The following ABCA10 variants were observed in gnomAD, a reference collection of about 807,000 sequenced individuals.
ABCA10 encodes the protein ATP binding cassette subfamily A member 10.
Under a neutral mutation model 187.5 loss-of-function variants are expected in ABCA10, and 169 were observed. That is an observed-to-expected ratio of 0.90 (90% CI 0.80 to 1.02). The LOEUF is 1.02. Among genes scored for constraint, ABCA10 ranks in the 50% least tolerant of loss-of-function variants. The probability of loss-of-function intolerance (pLI) is 0.00; values close to 1 mark genes in which losing one functional copy is unlikely to be tolerated. For missense variants in ABCA10, 1,727 were observed against 1,812.4 expected, an observed-to-expected ratio of 0.95 and a Z score of 0.86; for synonymous variants, 574 against 601.8, an observed-to-expected ratio of 0.95 and a Z score of 0.68.
intron 13 of ABCA10, 60 bp downstream of exon 13, chr17:69,193,754 A>G (rs764923065): frequency 1.9e-6 from 3 of 1,581,590 alleles, no homozygotes; most frequent in East Asian, 2.2e-5. Flanking sequence ...CTGAACAAAA[A>G]AAATATATAG....
rs1249250067 is a variant in ABCA10, at chr17:69,154,215, T to A, written c.3786+20A>T. 8 of 1,564,268 alleles carry A rather than the reference T, an allele frequency of 5.1e-6. No individual in the cohort carries two copies. Among genetic ancestry groups the A allele is most frequent in the Middle Eastern group, 1.7e-4 (1 of 5,774 alleles). On this transcript the variant is annotated intron_variant, in intron 31 of 38. Transcript: ENST00000690296. Reference sequence around the variant, plus strand: ...ATGTCATCAATATTTAAAATAAAATTTCCTTCACATGTCACATACCACTCC... The same window carrying A: ...ATGTCATCAATATTTAAAATAAAATATCCTTCACATGTCACATACCACTCC...
intron 22 of ABCA10, among the ~76,000 whole-genome samples, chr17:69,177,336 CAT>C (rs1375859879): frequency 6.6e-6 from 1 of 152,156 alleles, no homozygotes; most frequent in African/African-American, 2.4e-5. Context: ...ATGAAATTCA[CAT>C]GAGTTTTTCT....
intron 23 of ABCA10, 61 bp from the exon 24 acceptor site, chr17:69,174,838 G>GT (rs1053435847): frequency 1.4e-6 from 2 of 1,383,044 alleles, no homozygotes; most frequent in African/African-American, 2.9e-5. Flanking sequence ...TTGTGGTTAT[G>GT]TAAAAAAAAT....
chr17:69,150,306 T>C (rs1034687407), intron 36 of ABCA10: 1 of 383,702 alleles, frequency 2.6e-6, no homozygotes. Context: ...TAAGAATCTT[T>C]CCCACTCAGC....
intron 1 of ABCA10, among the ~76,000 whole-genome samples, chr17:69,236,193 G>C: frequency 6.6e-6 from 1 of 152,164 alleles, no homozygotes; most frequent in East Asian, 1.9e-4. Context: ...TTGTGGATCG[G>C]CCACACTGTC....
chr17:69,191,256 A>G lies in ABCA10; in HGVS notation c.1931T>C (p.Ile644Thr), dbSNP rs1180373750. 1.2e-6 allele frequency: 2 copies of G among 1,606,440 alleles called. No homozygotes were observed. The highest frequency in any genetic ancestry group is 1.7e-5 in the Admixed American group (1 of 59,492). The part of the protein sequence containing the change: ...EKITSLIKQH[I>T]PDAKLTTESE... The stretch of plus-strand genomic sequence containing the variant: ...TTCTGTTGTTAACTTGGCATCAGGA[A>G]TGTGCTGCTTAATAAGGGATGTGAT... The change falls in exon 17 of 39, where the codon ATT becomes ACT. Residue 644 changes from isoleucine to threonine, a missense_variant. Coordinates refer to ENST00000690296, the MANE Select transcript of ABCA10 (RefSeq NM_001377321.1).
intron 17 of ABCA10, 44 bp downstream of exon 17, chr17:69,191,132 C>T (rs375826536): frequency 1.2e-4 from 182 of 1,457,072 alleles, no homozygotes; most frequent in Non-Finnish European, 1.6e-4. Flanking sequence ...TCAGCACAAT[C>T]GTGAACACTT....
intron 9 of ABCA10, among the ~76,000 whole-genome samples, chr17:69,211,346 T>TATATATATC (rs2074655701): frequency 2.9e-4 from 8 of 27,732 alleles, no homozygotes; most frequent in African/African-American, 4.6e-4. Context: ...TATATATATA[T>TATATATATC]ATATATATAT....
intron 12 of ABCA10, among the ~76,000 whole-genome samples, 153 bp downstream of exon 12, chr17:69,194,232 T>C (rs1416614692): frequency 1.3e-5 from 2 of 152,206 alleles, no homozygotes; most frequent in Non-Finnish European, 2.9e-5. Flanking sequence ...TACAAATGTT[T>C]TCATGAATTT....
At chr17:69,235,424 C>A (rs1008484693) in intron 1 of ABCA10, among the ~76,000 whole-genome samples, 1 of 152,106 alleles carries the variant, frequency 6.6e-6, no homozygotes, top group Non-Finnish European at 1.5e-5. Flanking sequence ...TCTGGCTCAC[C>A]CCTCTTACTT....
At position 69,193,516 on chromosome 17, in the gene ABCA10, TC is replaced by T. The variant is rs868334640; in HGVS notation, c.1617del (p.Ile540LeufsTer4). The T allele has an allele frequency of 6.2e-7, 1 of 1,613,416 alleles. No homozygotes were observed. The highest frequency in any genetic ancestry group is 1.3e-5 in the African/African-American group (1 of 74,910). ...ACCTGAGGATCTCCTAAGATGGCAA[TC>T]CCTAGTGTTAGTTTTCTCTTCTGCC... ...SGGQKRKLTL[G>X]IAILGDPQVL... On this transcript the variant is annotated frameshift_variant, in exon 14 of 39. Transcript: ENST00000690296. LOFTEE classifies it high-confidence loss of function.
chr17:69,215,047 T>C (rs1285883169), intron 8 of ABCA10, among the ~76,000 whole-genome samples, 196 bp from the exon 9 acceptor site: 1 of 152,158 alleles, frequency 6.6e-6, no homozygotes. Context: ...TAAAATGCTA[T>C]ATATGAAAGT....
chr17:69,210,662 TATG>T (rs978382610), intron 9 of ABCA10, among the ~76,000 whole-genome samples: 4 of 151,904 alleles, frequency 2.6e-5, no homozygotes, highest in Non-Finnish European at 2.9e-5. Context: ...AGCAAGAGCA[TATG>T]ATGTTTCGTT....
In ABCA10 at chr17:69,154,338, A is replaced by T; in HGVS notation, c.3695-12T>A. 3 of 1,558,130 alleles carry T rather than the reference A, an allele frequency of 1.9e-6. No individual in the cohort carries two copies. The highest frequency in any genetic ancestry group is 2.6e-6 in the Non-Finnish European group (3 of 1,153,288). ...TCCCAAAACTTCACCTGGAAGAAAG[A>T]GTCACCATCAATATTTGAATTTTCA... On this transcript the variant is annotated splice_polypyrimidine_tract_variant and intron_variant, in intron 30 of 38. Transcript: ENST00000690296.
At chr17:69,231,580 T>A (rs114717048), upstream of ABCA10, among the ~76,000 whole-genome samples, 1,101 of 152,236 alleles carry the variant, frequency 7.2e-3, 14 homozygotes, top group African/African-American at 0.025. Context: ...CCATTTCCAA[T>A]GTTCCTCCTG....
chr17:69,202,624 T>C (rs1477130723), intron 9 of ABCA10, among the ~76,000 whole-genome samples: 1 of 152,092 alleles, frequency 6.6e-6, no homozygotes, highest in Non-Finnish European at 1.5e-5. Flanking sequence ...TTTTATTTTA[T>C]ATAAATTTTT....
chr17:69,224,282 A>G (rs2074775097), intron 3 of ABCA10, among the ~76,000 whole-genome samples: 3 of 152,180 alleles, frequency 2.0e-5, no homozygotes, highest in African/African-American at 7.2e-5. Context: ...AGTTTCAGAA[A>G]GACAAGAAAA....
At chr17:69,150,216 T>G in intron 36 of ABCA10, 153 bp from the exon 37 acceptor site, 1 of 527,204 alleles carries the variant, frequency 1.9e-6, no homozygotes, top group Middle Eastern at 4.9e-4. Context: ...ACAGATTCAA[T>G]CATAAAAAAA....
At chr17:69,183,684 C>G (rs546674684) in intron 20 of ABCA10, among the ~76,000 whole-genome samples, 1 of 152,058 alleles carries the variant, frequency 6.6e-6, no homozygotes, top group Non-Finnish European at 1.5e-5. Flanking sequence ...GTAGAGGAAG[C>G]AGTGGGAGGA....
Sources: allele counts gnomAD v4.1 joint callset (sites outside exome capture counted in the v4.1 genomes callset), GRCh38; gene constraint gnomAD v4.1.1; transcripts MANE v1.5; gene names NCBI Gene and HGNC (gene_info 2026-07-23, HGNC 2026-07-21).